SCARA5: variants seen among roughly 807,000 people sequenced by gnomAD.
SCARA5 encodes scavenger receptor class A, member 5 (putative).
A neutral mutation model predicts 46.3 loss-of-function variants in SCARA5; 45 were observed. The ratio of observed to expected loss-of-function variants is 0.97; its 90% CI spans 0.76 to 1.24. The LOEUF (loss-of-function observed/expected upper bound fraction) is 1.24. SCARA5 is among the 50% of genes most tolerant of loss of function. The probability of loss-of-function intolerance (pLI) is 0.00; values close to 1 mark genes in which losing one functional copy is unlikely to be tolerated. For synonymous variants in SCARA5, 333 were observed against 306.5 expected (o/e 1.09, Z -0.90); for missense variants, 680 against 689.0 (o/e 0.99, Z 0.15).
chr8:27,949,318 C>G (rs747479171), intron 3 of SCARA5, among the ~76,000 whole-genome samples: 12 of 152,248 alleles, frequency 7.9e-5, no homozygotes, highest in Non-Finnish European at 1.5e-4. Flanking sequence ...CCTTAACCAC[C>G]AGTGCCCTTT....
intron 8 of SCARA5, among the ~76,000 whole-genome samples, chr8:27,873,207 G>C (rs1806667827): frequency 6.6e-6 from 1 of 152,076 alleles, no homozygotes; most frequent in Non-Finnish European, 1.5e-5. Flanking sequence ...CCCACTCTAG[G>C]TTCCCACGCC....
intron 2 of SCARA5, among the ~76,000 whole-genome samples, chr8:27,978,284 G>A (rs1312189937): frequency 6.6e-6 from 1 of 151,488 alleles, no homozygotes; most frequent in Non-Finnish European, 1.5e-5. Flanking sequence ...GCCCACCTTG[G>A]CCTCCCAAAA....
At chr8:27,933,544 A>G (rs1415918338) in intron 3 of SCARA5, among the ~76,000 whole-genome samples, 1 of 151,180 alleles carries the variant, frequency 6.6e-6, no homozygotes, top group Admixed American at 6.6e-5. Context: ...AAAAGAGACA[A>G]CAGGGCAGAT....
intron 3 of SCARA5, among the ~76,000 whole-genome samples, chr8:27,954,052 C>G (rs1382765254): frequency 2.0e-5 from 3 of 152,174 alleles, no homozygotes; most frequent in Non-Finnish European, 4.4e-5. Flanking sequence ...GTCCCATTTA[C>G]AAAGCTGAGG....
intron 3 of SCARA5, among the ~76,000 whole-genome samples, chr8:27,938,652 T>A (rs1344433782): frequency 6.6e-6 from 1 of 152,168 alleles, no homozygotes; most frequent in Non-Finnish European, 1.5e-5. Flanking sequence ...AATGAATCAG[T>A]ACACGGAGAG....
At chr8:27,905,277 C>A (rs1435400560) in intron 6 of SCARA5, among the ~76,000 whole-genome samples, 1 of 151,914 alleles carries the variant, frequency 6.6e-6, no homozygotes, top group Non-Finnish European at 1.5e-5. Flanking sequence ...GTGTGAGATA[C>A]CAGGGAATTG....
chr8:27,971,543 G>A (rs960155463), intron 2 of SCARA5, among the ~76,000 whole-genome samples: 14 of 152,164 alleles, frequency 9.2e-5, no homozygotes, highest in African/African-American at 2.9e-4. Flanking sequence ...AGACCAGAGC[G>A]CTGGAGAAAA....
At chr8:27,913,734 G>A (rs1404836413) in intron 4 of SCARA5, among the ~76,000 whole-genome samples, 1 of 152,126 alleles carries the variant, frequency 6.6e-6, no homozygotes, top group East Asian at 1.9e-4. Context: ...CAACCAAAGG[G>A]ACTCAGAGCA....
intron 4 of SCARA5, among the ~76,000 whole-genome samples, chr8:27,910,952 C>T (rs180688907): frequency 1.2e-4 from 19 of 152,308 alleles, no homozygotes; most frequent in Admixed American, 9.1e-4. Context: ...ACACAGGCGG[C>T]GAGTGAGTGA....
rs117381375 is a variant in SCARA5 at position 27,897,456 on chromosome 8, C to T, written c.1153+7322G>A. Among the ~76,000 whole-genome samples the T allele has an allele frequency of 1.9e-3, 282 of 152,404 alleles. 2 individuals carry two copies. The highest frequency in any genetic ancestry group is 3.4e-3 in the Non-Finnish European group (232 of 68,042). ...AAAACTTTTCTTTGTTCAAAACCCACATCAAAGATCCCAGCGTCATTTCTT... is the reference window on the plus strand; with the variant it reads ...AAAACTTTTCTTTGTTCAAAACCCATATCAAAGATCCCAGCGTCATTTCTT... On this transcript the variant is annotated intron_variant, in intron 7 of 8. Coordinates refer to ENST00000354914, the MANE Select transcript of SCARA5 (RefSeq NM_173833.6).
chr8:27,936,116 C>A (rs1585500205), intron 3 of SCARA5, among the ~76,000 whole-genome samples: 1 of 152,160 alleles, frequency 6.6e-6, no homozygotes, highest in East Asian at 1.9e-4. Context: ...GGCAGGAGAC[C>A]CCTTTGAGAA....
intron 3 of SCARA5, among the ~76,000 whole-genome samples, chr8:27,958,923 A>G (rs1407826327): frequency 6.6e-6 from 1 of 152,116 alleles, no homozygotes; most frequent in African/African-American, 2.4e-5. Flanking sequence ...GTGTATCACT[A>G]TGAGTGTCAC....
At chr8:27,945,608 TCAA>T (rs1295643377) in intron 3 of SCARA5, among the ~76,000 whole-genome samples, 8 of 152,188 alleles carry the variant, frequency 5.3e-5, no homozygotes, top group African/African-American at 1.7e-4. Context: ...TACAAAGAAA[TCAA>T]CAACAAGTAA....
intron 2 of SCARA5, among the ~76,000 whole-genome samples, chr8:27,971,643 T>C (rs1808449250): frequency 6.6e-6 from 1 of 152,182 alleles, no homozygotes; most frequent in Non-Finnish European, 1.5e-5. Context: ...CATTTTGCAG[T>C]GGCCTCCAGA....
intron 4 of SCARA5, among the ~76,000 whole-genome samples, chr8:27,913,563 AAAGG>A (rs1807413069): frequency 6.6e-6 from 1 of 152,122 alleles, no homozygotes; most frequent in Non-Finnish European, 1.5e-5. Flanking sequence ...GGCTTCTCAT[AAAGG>A]AAGGTCCTTC....
chr8:27,874,786 C>A (rs939638525), intron 8 of SCARA5, among the ~76,000 whole-genome samples: 8 of 152,212 alleles, frequency 5.3e-5, no homozygotes, highest in Non-Finnish European at 1.0e-4. Context: ...GTGCAGCAAT[C>A]CTTACCTCCT....
chr8:27,975,578 G>A (rs1808510382), intron 2 of SCARA5, among the ~76,000 whole-genome samples: 1 of 152,194 alleles, frequency 6.6e-6, no homozygotes. Context: ...CACCCAGCTG[G>A]CATCCGTTAG....
chr8:27,887,247 C>A (rs535561689), intron 7 of SCARA5, among the ~76,000 whole-genome samples: 3 of 152,158 alleles, frequency 2.0e-5, no homozygotes, highest in Admixed American at 6.5e-5. Flanking sequence ...CCTTCCTGAG[C>A]AAATGAGGAT....
At chr8:27,930,960 G>C (rs1156702647) in intron 3 of SCARA5, among the ~76,000 whole-genome samples, 1 of 152,208 alleles carries the variant, frequency 6.6e-6, no homozygotes, top group Non-Finnish European at 1.5e-5. Flanking sequence ...GAACGCCACT[G>C]CACAGCAAGC....
Sources: allele counts gnomAD v4.1 joint callset (sites outside exome capture counted in the v4.1 genomes callset), GRCh38; gene constraint gnomAD v4.1.1; transcripts MANE v1.5; gene names NCBI Gene and HGNC (gene_info 2026-07-23, HGNC 2026-07-21).